Variants in DCLK3 observed in about 807,000 individuals in gnomAD.
The protein encoded by DCLK3 is doublecortin like kinase 3, also known as serine/threonine-protein kinase DCLK3.
A neutral mutation model predicts 46.4 loss-of-function variants in DCLK3; 30 were observed. The ratio of observed to expected loss-of-function variants is 0.65; its 90% confidence interval spans 0.48 to 0.88. DCLK3 has a LOEUF of 0.88. Ranked by LOEUF, DCLK3 falls within the 40% of genes least tolerant of loss-of-function variation. The probability of loss-of-function intolerance (pLI) is 0.00; values close to 1 mark genes in which losing one functional copy is unlikely to be tolerated. For missense variants in DCLK3, 846 were observed against 907.1 expected (o/e 0.93, Z 0.87); for synonymous variants, 401 against 339.2 (o/e 1.18, Z -2.00).
intron 1 of DCLK3, among the ~76,000 whole-genome samples, chr3:36,756,171 G>A (rs143522370): frequency 6.6e-6 from 1 of 152,360 alleles, no homozygotes; most frequent in Non-Finnish European, 1.5e-5. Context: ...GTAGGTTACT[G>A]CTATGGCCAA....
chr3:36,732,004 C>T (rs1417811269), intron 2 of DCLK3, among the ~76,000 whole-genome samples: 1 of 152,178 alleles, frequency 6.6e-6, no homozygotes, highest in Non-Finnish European at 1.5e-5. Flanking sequence ...CCTCAAATGG[C>T]TCACAAGAAT....
At chr3:36,747,100 C>A (rs1351014680) in intron 1 of DCLK3, among the ~76,000 whole-genome samples, 1 of 152,128 alleles carries the variant, frequency 6.6e-6, no homozygotes, top group Non-Finnish European at 1.5e-5. Flanking sequence ...ACACAAAGTC[C>A]AGCCACGGTT....
chr3:36,717,537 C>T (rs935124721), intron 4 of DCLK3, among the ~76,000 whole-genome samples: 1 of 152,078 alleles, frequency 6.6e-6, no homozygotes, highest in Non-Finnish European at 1.5e-5. Flanking sequence ...GAACAGAGGG[C>T]CAAAAGCAGG....
At chr3:36,735,985 A>C (rs1051274969) in intron 2 of DCLK3, among the ~76,000 whole-genome samples, 2 of 152,220 alleles carry the variant, frequency 1.3e-5, no homozygotes, top group African/African-American at 4.8e-5. Context: ...GACTCTATCA[A>C]GTGGTGATTG....
At chr3:36,746,563 G>A (rs1701395142) in intron 1 of DCLK3, among the ~76,000 whole-genome samples, 1 of 152,046 alleles carries the variant, frequency 6.6e-6, no homozygotes, top group East Asian at 1.9e-4. Flanking sequence ...TTCCTCCACT[G>A]CTGGCTTTAT....
intron 1 of DCLK3, among the ~76,000 whole-genome samples, chr3:36,742,415 C>T (rs1701352892): frequency 6.6e-6 from 1 of 152,172 alleles, no homozygotes; most frequent in South Asian, 2.1e-4. Context: ...GAATAAGCTC[C>T]ATAAGAACAG....
intron 1 of DCLK3, among the ~76,000 whole-genome samples, chr3:36,753,814 C>T (rs934333419): frequency 3.9e-5 from 6 of 152,148 alleles, no homozygotes; most frequent in African/African-American, 1.4e-4. Flanking sequence ...ACACTACAGG[C>T]ATGAGCCACC....
chr3:36,735,774 G>A (rs1701254215), intron 2 of DCLK3, among the ~76,000 whole-genome samples: 1 of 152,216 alleles, frequency 6.6e-6, no homozygotes, highest in Non-Finnish European at 1.5e-5. Flanking sequence ...AATAGTGATA[G>A]TCTCTGCCAC....
Position 36,751,521 on chromosome 3 carries a change from A to C in DCLK3, c.83-12437T>G, listed in dbSNP as rs542470269. ...CTGAGAAGCCAACCTCCTGGGCAGA[A>C]ACTGACACAGTTCCCTCTAACAGCC... On this transcript the variant is annotated intron_variant, in intron 1 of 4. Transcript: ENST00000636136. Among the ~76,000 whole-genome samples, 110 of 152,354 alleles carry C rather than the reference A, an allele frequency of 7.2e-4. 2 individuals carry two copies. Among genetic ancestry groups the C allele is most frequent in the Non-Finnish European group, 7.6e-4 (52 of 68,024 alleles).
At chr3:36,734,570 C>CAT (rs927688590) in intron 2 of DCLK3, among the ~76,000 whole-genome samples, 3 of 151,882 alleles carry the variant, frequency 2.0e-5, no homozygotes, top group African/African-American at 4.8e-5. Context: ...CACATATACA[C>CAT]ATATATATAT....
chr3:36,742,487 C>A (rs1430728694), intron 1 of DCLK3, among the ~76,000 whole-genome samples: 1 of 152,214 alleles, frequency 6.6e-6, no homozygotes, highest in African/African-American at 2.4e-5. Context: ...CTCCATCACA[C>A]CAACATCAGA....
At chr3:36,733,974 G>A (rs901341721) in intron 2 of DCLK3, among the ~76,000 whole-genome samples, 5 of 152,082 alleles carry the variant, frequency 3.3e-5, no homozygotes, top group Admixed American at 1.3e-4. Flanking sequence ...ATCACTTCCC[G>A]AAGCTTAACA....
chr3:36,713,706 G>A lies in DCLK3; in HGVS notation c.*1622C>T, dbSNP rs777254911. ...GGTCTCAGGATCATTACCTCTGGAA[G>A]GGAAAGGAAAGAAGCAGGATTGGGC... is the stretch of plus-strand genomic sequence containing the variant. On this transcript the variant is annotated 3_prime_UTR_variant, in exon 5 of 5. Coordinates refer to ENST00000636136, the MANE Select transcript of DCLK3 (RefSeq NM_001394672.2). 3.3e-5 allele frequency: 5 copies of A among 152,302 alleles called. No homozygotes were observed. The highest frequency in any genetic ancestry group is 3.3e-4 in the Admixed American group (5 of 15,280). 9.4% of individuals were successfully genotyped at this position (152,302 alleles called of 1,614,324 possible).
chr3:36,721,421 G>C, intron 3 of DCLK3, 106 bp downstream of exon 3: 1 of 1,431,692 alleles, frequency 7.0e-7, no homozygotes, highest in South Asian at 1.3e-5. Context: ...AAGCCTAAGT[G>C]TCAGTTCTCT....
In DCLK3 at chr3:36,726,478, C is replaced by T. The variant is rs116581945; in HGVS notation, c.1960-4819G>A. On this transcript the variant is annotated intron_variant, in intron 2 of 4. Coordinates refer to ENST00000636136, the MANE Select transcript of DCLK3 (RefSeq NM_001394672.2). ...ATCTCTCCTGGAACTGGGGCAAAGG[C>T]TCTCAATGCTCCTACCAGTGCCTGG... 4.4e-3 allele frequency among the ~76,000 whole-genome samples: 665 copies of T among 152,228 alleles called. 7 individuals are homozygous for T. The highest frequency in any genetic ancestry group is 0.015 in the African/African-American group (611 of 41,530).
intron 1 of DCLK3, among the ~76,000 whole-genome samples, chr3:36,761,405 G>A (rs1486452659): frequency 1.3e-5 from 2 of 152,114 alleles, no homozygotes; most frequent in East Asian, 3.9e-4. Flanking sequence ...GAACTCTGAG[G>A]ATGGAGCCAA....
intron 1 of DCLK3, among the ~76,000 whole-genome samples, chr3:36,743,911 C>A (rs1373501631): frequency 6.6e-6 from 1 of 152,186 alleles, no homozygotes; most frequent in Non-Finnish European, 1.5e-5. Flanking sequence ...TACTCCCAAA[C>A]CTTCTCTGTC....
intron 4 of DCLK3, among the ~76,000 whole-genome samples, chr3:36,717,005 C>G (rs1204720481): frequency 3.3e-5 from 5 of 152,252 alleles, no homozygotes; most frequent in Non-Finnish European, 7.3e-5. Flanking sequence ...CTTCCCTCAT[C>G]CTCCAATCCC....
intron 1 of DCLK3, among the ~76,000 whole-genome samples, chr3:36,763,756 A>G (rs1701559126): frequency 6.6e-6 from 1 of 152,216 alleles, no homozygotes; most frequent in Non-Finnish European, 1.5e-5. Flanking sequence ...GGAGAGGATG[A>G]AATACGCTTA....
Sources: gnomAD v4.1 joint callset for allele counts (sites outside exome capture counted in the v4.1 genomes callset) on GRCh38, gnomAD v4.1.1 for gene constraint, MANE v1.5 for transcripts, NCBI Gene and HGNC (gene_info 2026-07-23, HGNC 2026-07-21) for gene names.